Variants in CARD19 observed in about 807,000 individuals in gnomAD.
CARD19 encodes caspase recruitment domain family member 19.
CARD19 carries 25 observed loss-of-function variants against 24.1 expected under a neutral mutation model. The observed-to-expected ratio is 1.04, with a 90% CI of 0.76 to 1.45. The LOEUF is 1.45. Ranked by LOEUF, CARD19 falls within the 40% of genes most tolerant of loss-of-function variation. CARD19 has a pLI of 0.00. For synonymous variants in CARD19, 103 were observed against 104.9 expected (o/e 0.98, Z 0.11); for missense variants, 241 against 247.4 (o/e 0.97, Z 0.17).
At chr9:93,111,280 T>C (rs934665326) in intron 3 of CARD19, 8 of 1,155,166 alleles carry the variant, frequency 6.9e-6, no homozygotes, top group Non-Finnish European at 8.6e-6. Flanking sequence ...CTGGGAGTCA[T>C]GTGGATGCCA....
At chr9:93,101,575 G>A (rs1362037482) in intron 1 of CARD19, among the ~76,000 whole-genome samples, 1 of 151,866 alleles carries the variant, frequency 6.6e-6, no homozygotes, top group East Asian at 1.9e-4. Context: ...AAGTAGCTGG[G>A]ATTACAGGTA....
chr9:93,096,323 C>T lies in CARD19; in HGVS notation c.-23C>T. 8.2e-7 allele frequency: 1 copy of T among 1,225,514 alleles called. No individual in the cohort carries two copies. Among genetic ancestry groups the T allele is most frequent in the South Asian group, 4.1e-5 (1 of 24,320 alleles). 75.9% of individuals were successfully genotyped at this position (1,225,514 alleles called of 1,614,324 possible). A position where few individuals can be genotyped will look rare whatever the true frequency, so the allele number is the denominator to read the frequency against. On this transcript the variant is annotated 5_prime_UTR_variant, in exon 1 of 6. Coordinates refer to ENST00000375464, the MANE Select transcript of CARD19 (RefSeq NM_032310.5). The surrounding 1 kb of genome is among the most constrained non-coding windows in gnomAD (Gnocchi z 5.4). ...CGGCGGGGCAGACCGCTGGGGACTG[C>T]GGGCGGCGCTGTGTCCGTCGCCATG...
intron 3 of CARD19, chr9:93,111,443 C>T (rs1018645228): frequency 1.4e-5 from 15 of 1,070,686 alleles, no homozygotes; most frequent in Admixed American, 4.9e-5. Context: ...AGGGACTGGG[C>T]GGCTTGTCCC....
At chr9:93,107,866 C>T (rs774946046) in intron 2 of CARD19, 50 bp downstream of exon 2, 2 of 1,610,536 alleles carry the variant, frequency 1.2e-6, no homozygotes, top group Non-Finnish European at 1.7e-6. Flanking sequence ...GTTTCCCTTC[C>T]TTTCTGGGCT....
chr9:93,105,711 T>C (rs1391106142), intron 1 of CARD19, among the ~76,000 whole-genome samples: 1 of 152,256 alleles, frequency 6.6e-6, no homozygotes, highest in African/African-American at 2.4e-5. Flanking sequence ...TTAAAGCTTA[T>C]TTTGTGGCTA....
chr9:93,105,838 G>A (rs969268476), intron 1 of CARD19, among the ~76,000 whole-genome samples: 1 of 152,052 alleles, frequency 6.6e-6, no homozygotes, highest in Non-Finnish European at 1.5e-5. Context: ...ATTGGCTTAC[G>A]GTGTTGTTGA....
At chr9:93,099,457 G>A (rs1826998528) in intron 1 of CARD19, among the ~76,000 whole-genome samples, 2 of 152,166 alleles carry the variant, frequency 1.3e-5, no homozygotes, top group African/African-American at 4.8e-5. Flanking sequence ...TGCAGTCTTG[G>A]GCAGGTACCT....
intron 2 of CARD19, 84 bp from the exon 3 acceptor site, chr9:93,110,484 T>C (rs990425039): frequency 5.3e-6 from 8 of 1,511,444 alleles, no homozygotes; most frequent in Non-Finnish European, 7.1e-6. Context: ...AAGCTGAGGC[T>C]GGGGGCCTGA....
chr9:93,110,299 C>T (rs1827416807), intron 2 of CARD19: 1 of 484,962 alleles, frequency 2.1e-6, no homozygotes, highest in African/African-American at 1.9e-5. Flanking sequence ...CTTGCCAGCC[C>T]CATGCTTTCT....
chr9:93,109,713 G>A (rs1232847002), intron 2 of CARD19, among the ~76,000 whole-genome samples: 1 of 152,044 alleles, frequency 6.6e-6, no homozygotes, highest in East Asian at 1.9e-4. Flanking sequence ...CTCCTGATCC[G>A]CCTGCCTCAG....
chr9:93,106,189 T>G (rs1827247827), intron 1 of CARD19, among the ~76,000 whole-genome samples: 1 of 152,022 alleles, frequency 6.6e-6, no homozygotes, highest in Non-Finnish European at 1.5e-5. Context: ...CATTTTCAAC[T>G]TCTTTGTGTC....
At chr9:93,110,902 G>A (rs1471013123) in intron 3 of CARD19, 181 bp downstream of exon 3, 4 of 1,533,104 alleles carry the variant, frequency 2.6e-6, no homozygotes, top group Non-Finnish European at 3.5e-6. Flanking sequence ...GGGAGAGTGT[G>A]GCAGGCACAG....
At position 93,112,247 on chromosome 9, in the gene CARD19, C is replaced by A; in HGVS notation, c.394C>A (p.Leu132Ile). The change falls in exon 5 of 6, where the codon CTT (leucine) becomes ATT (isoleucine). Residue 132 changes from leucine (L) to isoleucine (I), a missense_variant. By Grantham distance (5) the Leu-to-Ile change is conservative (BLOSUM62 2). Coordinates refer to ENST00000375464, the MANE Select transcript of CARD19 (RefSeq NM_032310.5). Reference sequence around the variant, plus strand: ...CATGAGCTTCCTGGCTGGCCTGGGCCTTGCTGTGGGACTGGCCCTGCTCCT... The same window carrying A: ...CATGAGCTTCCTGGCTGGCCTGGGCATTGCTGTGGGACTGGCCCTGCTCCT... ...GPMSFLAGLG[L>I]AVGLALLLYC... 2.6e-6 allele frequency: 4 copies of A among 1,545,266 alleles called. No individual in the cohort carries two copies. The South Asian group carries it at 4.8e-5, about 18-fold the overall frequency.
chr9:93,112,145 C>T lies in CARD19; in HGVS notation c.365-73C>T, dbSNP rs1291821786. 7 of 1,465,014 alleles carry T rather than the reference C, an allele frequency of 4.8e-6. No individual in the cohort carries two copies. In the Admixed American group the frequency reaches 9.9e-5, roughly 21 times the overall value. 90.8% of individuals were successfully genotyped at this position (1,465,014 alleles called of 1,614,324 possible). A position where few individuals can be genotyped will look rare whatever the true frequency, so the allele number is the denominator to read the frequency against. On this transcript the variant is annotated intron_variant, in intron 4 of 5. Transcript: ENST00000375464. Reference sequence around the variant, plus strand: ...TCAGCCTGGCACCCCCACTCCCCTGCGCAGCCCCCAGGCCTCAGGACCCCA... The same window carrying T: ...TCAGCCTGGCACCCCCACTCCCCTGTGCAGCCCCCAGGCCTCAGGACCCCA...
intron 1 of CARD19, among the ~76,000 whole-genome samples, chr9:93,097,230 C>T (rs958002482): frequency 6.6e-6 from 1 of 151,926 alleles, no homozygotes; most frequent in Non-Finnish European, 1.5e-5. Flanking sequence ...CTCAGGGTAG[C>T]CCCAGAAGTC....
chr9:93,099,462 G>A (rs954486626), intron 1 of CARD19, among the ~76,000 whole-genome samples: 1 of 152,168 alleles, frequency 6.6e-6, no homozygotes, highest in African/African-American at 2.4e-5. Flanking sequence ...TCTTGGGCAG[G>A]TACCTTATCT....
In CARD19 at chr9:93,112,209, T is replaced by G; in HGVS notation, c.365-9T>G. 1 of 1,544,542 alleles carries G rather than the reference T, an allele frequency of 6.5e-7. No homozygotes were observed. Among genetic ancestry groups the G allele is most frequent in the Non-Finnish European group, 8.7e-7 (1 of 1,146,910 alleles). On this transcript the variant is annotated splice_polypyrimidine_tract_variant and intron_variant, in intron 4 of 5. Transcript: ENST00000375464. Reference sequence around the variant, plus strand: ...CAGGGGAGCCCTGTTCACGCTGGTTTCTCCCCAGGACCCATGAGCTTCCTG... The same window carrying G: ...CAGGGGAGCCCTGTTCACGCTGGTTGCTCCCCAGGACCCATGAGCTTCCTG...
chr9:93,097,339 A>G (rs1826913751), intron 1 of CARD19, among the ~76,000 whole-genome samples: 1 of 151,966 alleles, frequency 6.6e-6, no homozygotes, highest in Non-Finnish European at 1.5e-5. Flanking sequence ...CCAGGACACC[A>G]GGCCAGAAGA....
chr9:93,103,880 A>G (rs1827164244), intron 1 of CARD19, among the ~76,000 whole-genome samples: 1 of 152,254 alleles, frequency 6.6e-6, no homozygotes, highest in South Asian at 2.1e-4. Context: ...TCAAGACAGT[A>G]GAGCCCTCAT....
Sources: allele counts gnomAD v4.1 joint callset (sites outside exome capture counted in the v4.1 genomes callset), GRCh38; gene constraint gnomAD v4.1.1; non-coding constraint Gnocchi (gnomAD v3.1); transcripts MANE v1.5; gene names NCBI Gene and HGNC (gene_info 2026-07-23, HGNC 2026-07-21).